SBF2: variants seen among roughly 807,000 people sequenced by gnomAD.
The protein encoded by SBF2 is SET binding factor 2, also known as myotubularin-related protein 13.
A neutral mutation model predicts 225.2 loss-of-function variants in SBF2; 112 were observed. That is an observed-to-expected ratio of 0.50 (90% CI 0.43 to 0.58). The LOEUF (loss-of-function observed/expected upper bound fraction) is 0.58, where lower values mean the gene tolerates loss of function less well. Ranked by LOEUF, SBF2 falls within the 20% of genes least tolerant of loss-of-function variation. SBF2 has a pLI of 0.00. For synonymous variants in SBF2, 763 were observed against 773.3 expected (o/e 0.99, Z 0.22); for missense variants, 1,996 against 2,206.2 (o/e 0.90, Z 1.91).
At chr11:9,980,201 G>A (rs548597960) in intron 13 of SBF2, among the ~76,000 whole-genome samples, 7 of 148,096 alleles carry the variant, frequency 4.7e-5, no homozygotes, top group Admixed American at 3.4e-4. Flanking sequence ...AGCTGGTCTC[G>A]AACTCCTGAC....
At chr11:9,820,867 T>C (rs989252749) in intron 28 of SBF2, among the ~76,000 whole-genome samples, 2 of 152,226 alleles carry the variant, frequency 1.3e-5, no homozygotes, top group Non-Finnish European at 2.9e-5. Context: ...ACGCTGCTTT[T>C]CCTTTTGTTC....
chr11:10,245,337 G>A (rs528368961), intron 1 of SBF2, among the ~76,000 whole-genome samples: 77 of 98,338 alleles, frequency 7.8e-4, no homozygotes, highest in Non-Finnish European at 6.7e-4. Context: ...CTTGATTCCA[G>A]GAGTTCCAGA....
chr11:10,111,678 C>A (rs1396086563), intron 2 of SBF2, among the ~76,000 whole-genome samples: 2 of 152,082 alleles, frequency 1.3e-5, no homozygotes, highest in African/African-American at 2.4e-5. Flanking sequence ...GAGTTCAAGA[C>A]CAGCCTGGCC....
intron 2 of SBF2, among the ~76,000 whole-genome samples, chr11:10,072,812 G>A (rs899481012): frequency 6.8e-6 from 1 of 147,744 alleles, no homozygotes; most frequent in Non-Finnish European, 1.5e-5. Flanking sequence ...GATCACTGCT[G>A]CCTCGCCCTC....
In SBF2 at chr11:10,303,153, G is replaced by GT. The variant is rs1333147110; in HGVS notation, n.386+1338dup. The GT allele has an allele frequency of 6.6e-6, 1 of 152,358 alleles. No homozygotes were observed. The allele number at this position is 152,358 out of a possible 1,614,324, so 9.4% of individuals were successfully genotyped here. A position where few individuals can be genotyped will look rare whatever the true frequency, so the allele number is the denominator to read the frequency against. On this transcript the variant is annotated intron_variant and non_coding_transcript_variant, in intron 1 of 5. Transcript: ENST00000685217. The surrounding 1 kb of genome is among the most constrained non-coding windows in gnomAD (Gnocchi z 5.2). Reference sequence around the variant, plus strand: ...CTCCTGGTCACCGAGCAGGCGTTCAGTAATAGCTGCTGTCTGCGGTGCAGA... The same window carrying GT: ...CTCCTGGTCACCGAGCAGGCGTTCAGTTAATAGCTGCTGTCTGCGGTGCAGA...
chr11:9,911,819 T>A (rs1448500148), intron 16 of SBF2, among the ~76,000 whole-genome samples: 1 of 152,220 alleles, frequency 6.6e-6, no homozygotes, highest in Non-Finnish European at 1.5e-5. Flanking sequence ...TACCATTGTG[T>A]TACAACTGCC....
intron 1 of SBF2, among the ~76,000 whole-genome samples, chr11:10,247,331 A>G (rs1959898953): frequency 6.6e-6 from 1 of 152,164 alleles, no homozygotes; most frequent in South Asian, 2.1e-4. Flanking sequence ...AAAAATGTAA[A>G]ATAGGCTTAA....
At chr11:10,198,340 C>G (rs966984150) in intron 1 of SBF2, among the ~76,000 whole-genome samples, 4 of 152,162 alleles carry the variant, frequency 2.6e-5, no homozygotes, top group Non-Finnish European at 5.9e-5. Context: ...TTACCAGGTG[C>G]ACTGTCAATG....
At chr11:10,113,172 T>A (rs1477618020) in intron 2 of SBF2, among the ~76,000 whole-genome samples, 1 of 151,702 alleles carries the variant, frequency 6.6e-6, no homozygotes, top group East Asian at 1.9e-4. Flanking sequence ...TTTTTAATTT[T>A]TTATAGAGAC....
Position 10,011,467 on chromosome 11 carries a change from C to T in SBF2, c.620-8778G>A, listed in dbSNP as rs1487436215. ...CTCCTGGGCTCAAGTGATCCACCCA[C>T]CTCAGCCTCCCAAAGTGTTAGGATT... On this transcript the variant is annotated intron_variant, in intron 6 of 39. Transcript: ENST00000256190. Among the ~76,000 whole-genome samples the T allele has an allele frequency of 3.9e-5, 6 of 152,330 alleles. No homozygotes were observed. In the East Asian group the frequency reaches 5.8e-4, roughly 15 times the overall value.
At chr11:10,284,682 C>T (rs1963629603) in intron 1 of SBF2, among the ~76,000 whole-genome samples, 1 of 152,146 alleles carries the variant, frequency 6.6e-6, no homozygotes, top group Admixed American at 6.5e-5. Context: ...AAAAACACAG[C>T]TCACTGCAGC....
chr11:10,017,998 T>C (rs1433476564), intron 6 of SBF2, among the ~76,000 whole-genome samples: 2 of 152,104 alleles, frequency 1.3e-5, no homozygotes, highest in Admixed American at 1.3e-4. Context: ...ACTTGGTTTT[T>C]ATCTACTTTT....
At chr11:9,993,842 A>T in intron 10 of SBF2, 79 bp downstream of exon 10, 2 of 1,404,710 alleles carry the variant, frequency 1.4e-6, no homozygotes, top group Non-Finnish European at 2.0e-6. Flanking sequence ...CTCTAACTTC[A>T]CTTAGCTTCT....
rs143887793 is a variant in SBF2, at chr11:9,852,689, G to A, written c.2597C>T (p.Pro866Leu). The A allele has an allele frequency of 1.1e-5, 17 of 1,611,988 alleles. No homozygotes were observed. The highest frequency in any genetic ancestry group is 3.3e-5 in the South Asian group (3 of 91,036). ...GTCTGGAATTACCTTCTGAATAGGCGGAAGTCTTCTGCTTTCTCGATGTAC... is the reference window on the plus strand; with the variant it reads ...GTCTGGAATTACCTTCTGAATAGGCAGAAGTCTTCTGCTTTCTCGATGTAC... ...EAVHRESRRL[P>L]PIQKPKILRP... is the part of the protein sequence containing the mutation. The change falls in exon 21 of 40, where the codon CCG becomes CTG. Residue 866 changes from proline to leucine, a missense_variant. Transcript: ENST00000256190.
intron 2 of SBF2, among the ~76,000 whole-genome samples, chr11:10,118,380 TA>T (rs1953267987): frequency 6.6e-6 from 1 of 152,162 alleles, no homozygotes; most frequent in Non-Finnish European, 1.5e-5. Flanking sequence ...ATAAGATCCA[TA>T]AGCATACATA....
intron 1 of SBF2, among the ~76,000 whole-genome samples, chr11:10,259,076 T>C (rs937661090): frequency 1.3e-5 from 2 of 152,196 alleles, no homozygotes; most frequent in South Asian, 2.1e-4. Flanking sequence ...CTTATAATAT[T>C]GTACCCCTTT....
intron 2 of SBF2, among the ~76,000 whole-genome samples, chr11:10,189,933 C>G (rs1376589360): frequency 1.3e-5 from 2 of 152,078 alleles, no homozygotes; most frequent in Non-Finnish European, 2.9e-5. Flanking sequence ...AGGGGGATCA[C>G]CTGAGGTCAG....
chr11:10,157,953 G>A lies in SBF2; in HGVS notation c.141+35949C>T, dbSNP rs78322221. 6.3e-3 allele frequency among the ~76,000 whole-genome samples: 959 copies of A among 152,054 alleles called. 14 individuals carry two copies. The highest frequency in any genetic ancestry group is 0.021 in the African/African-American group (879 of 41,494). On this transcript the variant is annotated intron_variant, in intron 2 of 39. Coordinates refer to ENST00000256190, the MANE Select transcript of SBF2 (RefSeq NM_030962.4). ...ATCAAGTTAGGCCACAAAACAAGTC[G>A]TAACAAATTTATGAAAACTGAAATC...
chr11:10,144,862 C>T (rs577843178), intron 2 of SBF2, among the ~76,000 whole-genome samples: 1 of 152,214 alleles, frequency 6.6e-6, no homozygotes, highest in South Asian at 2.1e-4. Flanking sequence ...TAACATCCTT[C>T]CAAATCCAAA....
Sources: gnomAD v4.1 joint callset for allele counts (sites outside exome capture counted in the v4.1 genomes callset) on GRCh38, gnomAD v4.1.1 for gene constraint, Gnocchi (gnomAD v3.1) non-coding constraint, MANE v1.5 for transcripts, NCBI Gene and HGNC (gene_info 2026-07-23, HGNC 2026-07-21) for gene names.